IL1RN: variants seen among roughly 807,000 people sequenced by gnomAD.
IL1RN encodes the protein interleukin-1 receptor antagonist protein.
In IL1RN, 10 loss-of-function variants were observed where a neutral mutation model predicts 13.7. That is an observed-to-expected ratio of 0.73 (90% CI 0.45 to 1.24). IL1RN has a LOEUF of 1.24. Ranked by LOEUF, IL1RN falls within the 50% of genes most tolerant of loss-of-function variation. The probability of loss-of-function intolerance (pLI) is 0.00; values close to 1 mark genes in which losing one functional copy is unlikely to be tolerated. For synonymous variants in IL1RN, 102 were observed against 82.7 expected (o/e 1.23, Z -1.27); for missense variants, 213 against 222.1 (o/e 0.96, Z 0.26).
intron 1 of IL1RN, among the ~76,000 whole-genome samples, chr2:113,112,247 C>T (rs931232975): frequency 6.6e-6 from 1 of 152,206 alleles, no homozygotes; most frequent in Non-Finnish European, 1.5e-5. Context: ...AGGGCCCAGC[C>T]ACCGTGTTAC....
upstream of IL1RN, among the ~76,000 whole-genome samples, chr2:113,126,255 A>G (rs1686955779): frequency 6.6e-6 from 1 of 152,166 alleles, no homozygotes; most frequent in Admixed American, 6.5e-5. Context: ...GAGTGTGATG[A>G]ATATTAGGGT....
intron 3 of IL1RN, among the ~76,000 whole-genome samples, chr2:113,132,218 G>A (rs755300204): frequency 3.8e-4 from 58 of 152,230 alleles, no homozygotes; most frequent in Non-Finnish European, 7.3e-5. Flanking sequence ...AGAAGCCAAG[G>A]TGGGCAGATC....
upstream of IL1RN, among the ~76,000 whole-genome samples, chr2:113,104,844 G>C (rs2104417642): frequency 6.6e-6 from 1 of 152,306 alleles, no homozygotes; most frequent in Non-Finnish European, 1.5e-5. Context: ...CATGTAGCTA[G>C]TAAGTGGTCC....
At chr2:113,108,339 C>T (rs1686419036), upstream of IL1RN, among the ~76,000 whole-genome samples, 1 of 151,814 alleles carries the variant, frequency 6.6e-6, no homozygotes, top group Non-Finnish European at 1.5e-5. Context: ...ATACATGTGC[C>T]ACATTGGTGT....
At chr2:113,114,976 A>C (rs1281115075), upstream of IL1RN, among the ~76,000 whole-genome samples, 5 of 152,150 alleles carry the variant, frequency 3.3e-5, no homozygotes, top group African/African-American at 1.2e-4. Context: ...AACCAAAAGG[A>C]GTTCAGGGAA....
At chr2:113,120,224 T>C in intron 2 of IL1RN, 1 of 882,784 alleles carries the variant, frequency 1.1e-6, no homozygotes, top group Non-Finnish European at 1.9e-6. Flanking sequence ...TAAAGATGAA[T>C]GGTTTAATTA....
Position 113,130,036 on chromosome 2 carries a change from A to G in IL1RN, c.205+372A>G, listed in dbSNP as rs151012203. Reference sequence around the variant, plus strand: ...TCAATCCCAAATTAATCCACCATGTATAAGGTTGAGCTATGTCTCTTATTC... The same window carrying G: ...TCAATCCCAAATTAATCCACCATGTGTAAGGTTGAGCTATGTCTCTTATTC... On this transcript the variant is annotated intron_variant, in intron 2 of 3. Transcript: ENST00000409930. 26 of 295,644 alleles carry G rather than the reference A, an allele frequency of 8.8e-5. No individual in the cohort carries two copies. In the East Asian group the frequency reaches 2.0e-3, roughly 22 times the overall value. 18.3% of individuals were successfully genotyped at this position (295,644 alleles called of 1,614,324 possible). A position where few individuals can be genotyped will look rare whatever the true frequency, so the allele number is the denominator to read the frequency against.
At chr2:113,123,214 G>A (rs1004663987), upstream of IL1RN, among the ~76,000 whole-genome samples, 2 of 152,206 alleles carry the variant, frequency 1.3e-5, no homozygotes, top group Non-Finnish European at 2.9e-5. Context: ...AGAATAACTA[G>A]AAAAGCTAGA....
chr2:113,114,275 G>A (rs945950608), upstream of IL1RN, among the ~76,000 whole-genome samples: 31 of 152,188 alleles, frequency 2.0e-4, no homozygotes, highest in African/African-American at 7.5e-4. Context: ...CTGTGCACCT[G>A]CAGAAGGTGA....
At chr2:113,124,646 T>C (rs1686893907), upstream of IL1RN, among the ~76,000 whole-genome samples, 1 of 152,176 alleles carries the variant, frequency 6.6e-6, no homozygotes, top group Non-Finnish European at 1.5e-5. Flanking sequence ...GGTCAGGGCA[T>C]GATTCATCAC....
chr2:113,126,719 G>A (rs1353970509), upstream of IL1RN, among the ~76,000 whole-genome samples: 1 of 132,320 alleles, frequency 7.6e-6, no homozygotes, highest in African/African-American at 2.8e-5. Context: ...CCATCCATTT[G>A]TGAAGAAGAC....
intron 1 of IL1RN, among the ~76,000 whole-genome samples, chr2:113,127,987 G>A (rs1687025191): frequency 6.6e-6 from 1 of 152,246 alleles, no homozygotes; most frequent in East Asian, 1.9e-4. Context: ...GGAACCCAGT[G>A]AGTAATAGAT....
chr2:113,131,658 GC>G (rs965936766), intron 3 of IL1RN, among the ~76,000 whole-genome samples: 17 of 151,992 alleles, frequency 1.1e-4, no homozygotes, highest in Admixed American at 3.9e-4. Context: ...TTGCTCAAGG[GC>G]CCCCCTACCC....
intron 1 of IL1RN, among the ~76,000 whole-genome samples, chr2:113,128,322 C>T (rs774632046): frequency 6.6e-6 from 1 of 152,152 alleles, no homozygotes; most frequent in African/African-American, 2.4e-5. Flanking sequence ...TTTGTGAGAC[C>T]ATCACTATTG....
At chr2:113,103,690 G>C (rs1299910016), upstream of IL1RN, among the ~76,000 whole-genome samples, 1 of 152,130 alleles carries the variant, frequency 6.6e-6, no homozygotes, top group Non-Finnish European at 1.5e-5. Context: ...TGTTATAGCA[G>C]CAATGGGAAA....
chr2:113,118,891 G>T (rs1408302741), intron 1 of IL1RN, among the ~76,000 whole-genome samples: 4 of 152,126 alleles, frequency 2.6e-5, no homozygotes, highest in Admixed American at 2.6e-4. Context: ...ACAAAAATTA[G>T]CTGGGCATGG....
intron 1 of IL1RN, chr2:113,119,943 C>G: frequency 1.3e-6 from 1 of 794,244 alleles, no homozygotes; most frequent in Non-Finnish European, 2.2e-6. Flanking sequence ...AGGGTGAGAA[C>G]AGAGGGTAAA....
chr2:113,130,597 A>G (rs1487229864), intron 2 of IL1RN, among the ~76,000 whole-genome samples: 1 of 143,576 alleles, frequency 7.0e-6, no homozygotes, highest in Non-Finnish European at 1.5e-5. Context: ...GGCCTCTAGG[A>G]GTAACTGGGT....
the IL1RN span, among the ~76,000 whole-genome samples, chr2:113,100,445 A>C: frequency 2.6e-5 from 4 of 152,182 alleles, no homozygotes; most frequent in Non-Finnish European, 5.9e-5. Context: ...GCAAATGACA[A>C]GGGGAGGACA....
Sources: gnomAD v4.1 joint callset for allele counts (sites outside exome capture counted in the v4.1 genomes callset) on GRCh38, gnomAD v4.1.1 for gene constraint, MANE v1.5 for transcripts, NCBI Gene and HGNC (gene_info 2026-07-23, HGNC 2026-07-21) for gene names.